Variants in RIMS1 observed in about 807,000 individuals in gnomAD.
The protein encoded by RIMS1 is regulating synaptic membrane exocytosis 1, also known as regulating synaptic membrane exocytosis protein 1.
RIMS1 carries 83 observed loss-of-function variants against 214.1 expected under a neutral mutation model. That is an observed-to-expected ratio of 0.39 (90% confidence interval 0.32 to 0.47). The LOEUF is 0.47. RIMS1 is among the 20% of genes least tolerant of loss of function. RIMS1 has a pLI of 0.99. For missense variants in RIMS1, 2,050 were observed against 2,161.8 expected, an observed-to-expected ratio of 0.95 and a Z score of 1.03; for synonymous variants, 793 against 786.8, an observed-to-expected ratio of 1.01 and a Z score of -0.13.
chr6:72,262,445 A>G (rs1450182521), intron 19 of RIMS1: 5 of 985,090 alleles, frequency 5.1e-6, no homozygotes, highest in Non-Finnish European at 6.0e-6. Context: ...CTACGACAAT[A>G]AGATAGGGAG....
chr6:72,307,389 A>G lies in RIMS1; in HGVS notation c.3963+19A>G, dbSNP rs1166592761. On this transcript the variant is annotated intron_variant, in intron 27 of 33. Coordinates refer to ENST00000521978, the MANE Select transcript of RIMS1 (RefSeq NM_014989.7). ...TTCCAAGGTAAAATTAGTAGTATCC[A>G]ACAAATAGTTTCCCTTTTAAAAATG... is the stretch of plus-strand genomic sequence containing the variant. 1.4e-6 allele frequency: 2 copies of G among 1,455,442 alleles called. No individual in the cohort carries two copies. The highest frequency in any genetic ancestry group is 2.8e-5 in the African/African-American group (2 of 71,636). 90.2% of individuals were successfully genotyped at this position (1,455,442 alleles called of 1,614,324 possible).
At chr6:71,944,591 G>C (rs1411815788) in intron 1 of RIMS1, among the ~76,000 whole-genome samples, 1 of 152,144 alleles carries the variant, frequency 6.6e-6, no homozygotes, top group Non-Finnish European at 1.5e-5. Flanking sequence ...GTGTGAGGCA[G>C]AAAAGTAGTG....
rs569311450 is a variant in RIMS1, at chr6:71,953,345, G to A, written c.165-15638G>A. Among the ~76,000 whole-genome samples the A allele has an allele frequency of 5.9e-5, 9 of 152,202 alleles. No individual in the cohort carries two copies. The South Asian group carries it at 1.9e-3, about 32-fold the overall frequency. On this transcript the variant is annotated intron_variant, in intron 1 of 33. Transcript: ENST00000521978. ...ATTTGCTAACATCCCATTGTCCAAG[G>A]CAAGTCACATGGCAAGGCCCAGTTC...
At chr6:72,397,772 T>A (rs1204047960) in intron 31 of RIMS1, among the ~76,000 whole-genome samples, 3 of 151,720 alleles carry the variant, frequency 2.0e-5, no homozygotes, top group Admixed American at 2.0e-4. Context: ...AATAAAATGA[T>A]GGTGTATGAT....
rs1046917975 is a variant in RIMS1 at position 72,179,203 on chromosome 6, CT to C, written c.472-363del. On this transcript the variant is annotated intron_variant, in intron 4 of 33. Coordinates refer to ENST00000521978, the MANE Select transcript of RIMS1 (RefSeq NM_014989.7). The stretch of plus-strand genomic sequence containing the variant: ...TTCTGTAGTTCCTGGTAACATTTTT[CT>C]TTTTTTTTCCTGGTAACATTTTTCT... 1.2e-3 allele frequency among the ~76,000 whole-genome samples: 181 copies of C among 151,062 alleles called. 3 individuals carry two copies. Among genetic ancestry groups the C allele is most frequent in the Middle Eastern group, 3.4e-3 (1 of 294 alleles).
chr6:72,238,892 A>C (rs961461081), intron 9 of RIMS1, among the ~76,000 whole-genome samples: 1 of 152,176 alleles, frequency 6.6e-6, no homozygotes, highest in Non-Finnish European at 1.5e-5. Flanking sequence ...CCAGGATATC[A>C]GTTCAAAATC....
chr6:72,296,572 C>T (rs1365463779), intron 26 of RIMS1, among the ~76,000 whole-genome samples: 4 of 151,844 alleles, frequency 2.6e-5, no homozygotes, highest in Non-Finnish European at 5.9e-5. Flanking sequence ...TGCAGGCTTC[C>T]CCCTACAGTC....
At chr6:72,154,824 T>A (rs1183050996) in intron 4 of RIMS1, among the ~76,000 whole-genome samples, 1 of 140,648 alleles carries the variant, frequency 7.1e-6, no homozygotes, top group Non-Finnish European at 1.6e-5. Context: ...GAACATAGTG[T>A]TTGAACTCCT....
At chr6:72,276,628 A>G (rs560874223) in intron 23 of RIMS1, among the ~76,000 whole-genome samples, 2 of 152,220 alleles carry the variant, frequency 1.3e-5, no homozygotes, top group East Asian at 3.9e-4. Flanking sequence ...GATAAGTCCT[A>G]TGTTCGACCA....
chr6:72,258,427 C>G (rs2076756568), intron 17 of RIMS1, 146 bp downstream of exon 17: 1 of 825,014 alleles, frequency 1.2e-6, no homozygotes, highest in Non-Finnish European at 1.8e-6. Flanking sequence ...TTTTTTTATT[C>G]TTTATCCAAC....
At chr6:71,918,461 T>C (rs1562192706) in intron 1 of RIMS1, among the ~76,000 whole-genome samples, 1 of 152,144 alleles carries the variant, frequency 6.6e-6, no homozygotes, top group African/African-American at 2.4e-5. Flanking sequence ...ACCCTTGCAA[T>C]GGTGAAGACA....
chr6:72,182,227 T>A, intron 5 of RIMS1, 57 bp from the exon 6 acceptor site: 1 of 1,482,192 alleles, frequency 6.7e-7, no homozygotes, highest in East Asian at 2.3e-5. Flanking sequence ...AGAAAACATG[T>A]TTTTTATGTC....
At chr6:71,980,215 A>C (rs1181856584) in intron 2 of RIMS1, among the ~76,000 whole-genome samples, 1 of 152,108 alleles carries the variant, frequency 6.6e-6, no homozygotes, top group East Asian at 1.9e-4. Flanking sequence ...ACTGGTGGCA[A>C]CTGAGATCGG....
intron 30 of RIMS1, among the ~76,000 whole-genome samples, chr6:72,392,441 CT>C (rs1205052992): frequency 1.3e-5 from 2 of 152,062 alleles, no homozygotes; most frequent in African/African-American, 4.8e-5. Flanking sequence ...GGATTTGGAA[CT>C]TGGTATATTA....
intron 4 of RIMS1, among the ~76,000 whole-genome samples, chr6:72,102,471 A>G (rs185504667): frequency 6.6e-6 from 1 of 152,176 alleles, no homozygotes; most frequent in Admixed American, 6.6e-5. Context: ...ATATCAAAGT[A>G]ATAACAAGAC....
intron 29 of RIMS1, chr6:72,366,946 A>C (rs2098051396): frequency 1.3e-6 from 1 of 750,342 alleles, no homozygotes; most frequent in Non-Finnish European, 1.6e-6. Flanking sequence ...AAACCTAGCC[A>C]AAAGCCAAAT....
chr6:72,290,586 A>G, intron 24 of RIMS1, 93 bp from the exon 25 acceptor site: 1 of 1,036,222 alleles, frequency 9.7e-7, no homozygotes, highest in South Asian at 1.6e-5. Context: ...ACTGTCATGT[A>G]CGAGTAACCA....
intron 4 of RIMS1, among the ~76,000 whole-genome samples, chr6:72,173,071 A>G (rs768162575): frequency 2.0e-5 from 3 of 152,162 alleles, no homozygotes; most frequent in Non-Finnish European, 4.4e-5. Context: ...AAAATTTCTT[A>G]AACTGCCTTA....
chr6:72,396,183 AT>A (rs373384263), intron 31 of RIMS1, among the ~76,000 whole-genome samples: 143 of 152,270 alleles, frequency 9.4e-4, no homozygotes, highest in East Asian at 4.4e-3. Context: ...ATCCAAAAAA[AT>A]GTTTGATAAA....
Sources: gnomAD v4.1 joint callset for allele counts (sites outside exome capture counted in the v4.1 genomes callset) on GRCh38, gnomAD v4.1.1 for gene constraint, MANE v1.5 for transcripts, NCBI Gene and HGNC (gene_info 2026-07-23, HGNC 2026-07-21) for gene names.